The following SHROOM3 variants were observed in gnomAD, a reference collection of about 807,000 sequenced individuals.
The protein encoded by SHROOM3 is protein Shroom3.
SHROOM3 carries 47 observed loss-of-function variants against 138.6 expected under a neutral mutation model. The observed-to-expected ratio is 0.34, with a 90% CI of 0.27 to 0.43. The LOEUF is 0.43. Ranked by LOEUF, SHROOM3 falls within the 20% of genes least tolerant of loss-of-function variation. The pLI is 1.00. For synonymous variants in SHROOM3, 1,062 were observed against 1,063.3 expected (o/e 1.00, Z 0.02); for missense variants, 2,491 against 2,596.5 (o/e 0.96, Z 0.88).
chr4:76,448,886 G>A (rs995401980), intron 1 of SHROOM3, among the ~76,000 whole-genome samples: 4 of 152,146 alleles, frequency 2.6e-5, no homozygotes, highest in Non-Finnish European at 4.4e-5. Context: ...GAATTCAAGC[G>A]GAAGGAATCC....
chr4:76,498,908 C>T (rs577452649), intron 1 of SHROOM3, among the ~76,000 whole-genome samples: 69 of 152,256 alleles, frequency 4.5e-4, no homozygotes, highest in Non-Finnish European at 8.2e-4. Flanking sequence ...TTTCACCAGT[C>T]CTGCCTCTTG....
At chr4:76,643,023 A>G (rs1301009393) in intron 2 of SHROOM3, among the ~76,000 whole-genome samples, 1 of 152,120 alleles carries the variant, frequency 6.6e-6, no homozygotes, top group Non-Finnish European at 1.5e-5. Flanking sequence ...CCTGACCAAC[A>G]TGAAGAAACC....
intron 9 of SHROOM3, among the ~76,000 whole-genome samples, chr4:76,759,943 G>A (rs1272246620): frequency 6.6e-6 from 1 of 152,202 alleles, no homozygotes; most frequent in Non-Finnish European, 1.5e-5. Flanking sequence ...CAGAAGTGAA[G>A]CTTAGAGGGA....
intron 2 of SHROOM3, among the ~76,000 whole-genome samples, chr4:76,650,922 C>T (rs1560580118): frequency 6.6e-6 from 1 of 152,142 alleles, no homozygotes; most frequent in Non-Finnish European, 1.5e-5. Context: ...AAATGTGGTA[C>T]TTATACACAA....
intron 2 of SHROOM3, among the ~76,000 whole-genome samples, chr4:76,627,178 A>C (rs892888063): frequency 6.6e-6 from 1 of 152,108 alleles, no homozygotes; most frequent in African/African-American, 2.4e-5. Flanking sequence ...TTTTCTCTGA[A>C]TATTATTCTC....
At chr4:76,565,318 G>A (rs1733700410) in intron 2 of SHROOM3, among the ~76,000 whole-genome samples, 1 of 152,082 alleles carries the variant, frequency 6.6e-6, no homozygotes, top group Non-Finnish European at 1.5e-5. Flanking sequence ...GTTTGGATGA[G>A]TCCCATTTAG....
At chr4:76,665,753 A>G (rs1199496958) in intron 2 of SHROOM3, among the ~76,000 whole-genome samples, 1 of 152,172 alleles carries the variant, frequency 6.6e-6, no homozygotes, top group Non-Finnish European at 1.5e-5. Context: ...AGTTGTTTTG[A>G]GAAACAGATT....
At chr4:76,568,507 C>T (rs1169618190) in intron 2 of SHROOM3, among the ~76,000 whole-genome samples, 1 of 152,164 alleles carries the variant, frequency 6.6e-6, no homozygotes, top group Admixed American at 6.5e-5. Flanking sequence ...TCTCCTGTAT[C>T]CCCCACCAAA....
At chr4:76,574,830 A>AT (rs1458453140) in intron 2 of SHROOM3, among the ~76,000 whole-genome samples, 1 of 152,150 alleles carries the variant, frequency 6.6e-6, no homozygotes, top group Non-Finnish European at 1.5e-5. Flanking sequence ...GGGAGGGGAG[A>AT]TTAGGGAGTT....
At chr4:76,501,343 A>G (rs1388629377) in intron 1 of SHROOM3, among the ~76,000 whole-genome samples, 3 of 152,210 alleles carry the variant, frequency 2.0e-5, no homozygotes, top group African/African-American at 7.2e-5. Flanking sequence ...AATAATAAGA[A>G]ATACACATAT....
intron 1 of SHROOM3, among the ~76,000 whole-genome samples, chr4:76,479,925 G>A (rs564443617): frequency 6.6e-6 from 1 of 152,258 alleles, no homozygotes; most frequent in Non-Finnish European, 1.5e-5. Flanking sequence ...ACGAGCAACT[G>A]CTGAGAGATT....
intron 1 of SHROOM3, among the ~76,000 whole-genome samples, chr4:76,488,301 G>A (rs936667355): frequency 4.6e-5 from 7 of 152,058 alleles, no homozygotes; most frequent in African/African-American, 1.4e-4. Flanking sequence ...AATAAACATC[G>A]TCTTAGAATT....
In SHROOM3 at chr4:76,436,229, C is replaced by T. The variant is rs1466167614; in HGVS notation, c.168+9C>T. 3 of 1,613,656 alleles carry T rather than the reference C, an allele frequency of 1.9e-6. No individual in the cohort carries two copies. The highest frequency in any genetic ancestry group is 2.5e-6 in the Non-Finnish European group (3 of 1,179,808). On this transcript the variant is annotated intron_variant, in intron 1 of 10. Coordinates refer to ENST00000296043, the MANE Select transcript of SHROOM3 (RefSeq NM_020859.4). Reference sequence around the variant, plus strand: ...CATTAATCATCTCTAAGGTATGTTTCTTTTTCCAATATTGCCTTTATTCAA... The same window carrying T: ...CATTAATCATCTCTAAGGTATGTTTTTTTTTCCAATATTGCCTTTATTCAA...
intron 2 of SHROOM3, among the ~76,000 whole-genome samples, chr4:76,589,727 G>T (rs776410024): frequency 6.6e-6 from 1 of 152,180 alleles, no homozygotes; most frequent in Non-Finnish European, 1.5e-5. Context: ...AGGGGCGGGG[G>T]TCCCAGCAAT....
intron 9 of SHROOM3, among the ~76,000 whole-genome samples, chr4:76,767,764 A>C (rs1722211905): frequency 1.3e-5 from 2 of 152,204 alleles, no homozygotes; most frequent in African/African-American, 2.4e-5. Context: ...ATAATAGTTT[A>C]ATAAGGGTTT....
At chr4:76,455,960 T>A (rs1180666071) in intron 1 of SHROOM3, among the ~76,000 whole-genome samples, 1 of 151,962 alleles carries the variant, frequency 6.6e-6, no homozygotes, top group Admixed American at 6.6e-5. Flanking sequence ...TAAAATGGTA[T>A]AGTATTTGCA....
In SHROOM3 at chr4:76,598,739, G is replaced by A. The variant is rs140959097; in HGVS notation, c.323+42976G>A. Among the ~76,000 whole-genome samples, 254 of 152,306 alleles carry A rather than the reference G, an allele frequency of 1.7e-3. 1 individual carries two copies. The highest frequency in any genetic ancestry group is 3.5e-3 in the South Asian group (17 of 4,818). On this transcript the variant is annotated intron_variant, in intron 2 of 10. Transcript: ENST00000296043. ...GGGTAGCCCTGTCTGAGTGTATTTA[G>A]TATTCTTTGACTAAAGAGTGTATGT...
chr4:76,678,924 A>G (rs1230703035), intron 2 of SHROOM3, among the ~76,000 whole-genome samples: 2 of 152,210 alleles, frequency 1.3e-5, no homozygotes, highest in African/African-American at 4.8e-5. Flanking sequence ...GGCCTCCCAA[A>G]GTGCTGGGAT....
In SHROOM3 at chr4:76,738,774, G is replaced by C. The variant is rs1205080871; in HGVS notation, c.601G>C (p.Asp201His). The C allele has an allele frequency of 6.2e-7, 1 of 1,614,134 alleles. No homozygotes were observed. Among genetic ancestry groups the C allele is most frequent in the Non-Finnish European group, 8.5e-7 (1 of 1,180,042 alleles). The change falls in exon 5 of 11, where the codon GAC becomes CAC. Residue 201 changes from aspartate to histidine, a missense_variant. By Grantham distance (81) the Asp-to-His change is moderately conservative. Transcript: ENST00000296043. ...QSYHSSSSTS[D>H]LSNYDHAYLR... Reference sequence around the variant, plus strand: ...TCTTTCTTCCAGCTCCTCTACTAGTGACCTCTCCAACTATGACCATGCTTA... The same window carrying C: ...TCTTTCTTCCAGCTCCTCTACTAGTCACCTCTCCAACTATGACCATGCTTA...
Sources: gnomAD v4.1 joint callset for allele counts (sites outside exome capture counted in the v4.1 genomes callset) on GRCh38, gnomAD v4.1.1 for gene constraint, MANE v1.5 for transcripts, NCBI Gene and HGNC (gene_info 2026-07-23, HGNC 2026-07-21) for gene names.